The following FYN variants were observed in gnomAD, a reference collection of about 807,000 sequenced individuals.
FYN encodes the protein FYN proto-oncogene, Src family tyrosine kinase.
Under a neutral mutation model 70.2 loss-of-function variants are expected in FYN, and 10 were observed. The ratio of observed to expected loss-of-function variants is 0.14; its 90% CI spans 0.09 to 0.24. The LOEUF is 0.24. Among genes scored for constraint, FYN ranks in the 10% least tolerant of loss-of-function variants. FYN has a pLI of 1.00. For missense variants in FYN, 319 were observed against 673.1 expected, an observed-to-expected ratio of 0.47 and a Z score of 5.82; for synonymous variants, 236 against 248.6, an observed-to-expected ratio of 0.95 and a Z score of 0.48.
At chr6:111,763,273 C>T (rs1479552124) in intron 3 of FYN, among the ~76,000 whole-genome samples, 1 of 152,176 alleles carries the variant, frequency 6.6e-6, no homozygotes, top group Non-Finnish European at 1.5e-5. Flanking sequence ...AGCTGTAACC[C>T]AGCCACCCTG....
At chr6:111,864,051 T>C (rs1336744455) in intron 1 of FYN, among the ~76,000 whole-genome samples, 3 of 152,210 alleles carry the variant, frequency 2.0e-5, no homozygotes, top group Non-Finnish European at 4.4e-5. Flanking sequence ...CCTGGGGATA[T>C]GCATTCTATG....
At chr6:111,804,337 C>A (rs1772083290) in intron 2 of FYN, among the ~76,000 whole-genome samples, 1 of 152,168 alleles carries the variant, frequency 6.6e-6, no homozygotes, top group African/African-American at 2.4e-5. Context: ...AGAAGCGGCA[C>A]CCTCTGTTCT....
At chr6:111,716,371 A>G (rs141027855) in intron 4 of FYN, among the ~76,000 whole-genome samples, 177 of 152,342 alleles carry the variant, frequency 1.2e-3, no homozygotes, top group African/African-American at 3.9e-3. Context: ...TTACATAGTC[A>G]TAAGATAAAT....
chr6:111,773,611 A>ACGGAGAGAGG (rs1562515441), intron 3 of FYN, among the ~76,000 whole-genome samples: 1 of 61,554 alleles, frequency 1.6e-5, no homozygotes, highest in East Asian at 6.4e-4. Flanking sequence ...AGAGAGGGGG[A>ACGGAGAGAGG]GGGAGAGAGG....
intron 4 of FYN, among the ~76,000 whole-genome samples, chr6:111,717,150 A>G (rs538548434): frequency 1.3e-5 from 2 of 152,286 alleles, no homozygotes; most frequent in African/African-American, 4.8e-5. Context: ...TATTTACCCC[A>G]TTCAAGATAA....
intron 2 of FYN, among the ~76,000 whole-genome samples, chr6:111,799,744 G>C (rs1051140049): frequency 6.6e-6 from 1 of 152,210 alleles, no homozygotes; most frequent in African/African-American, 2.4e-5. Context: ...AAGTGGTTCA[G>C]GTGAATGGAC....
intron 12 of FYN, among the ~76,000 whole-genome samples, chr6:111,692,430 G>A (rs1024090636): frequency 2.0e-5 from 3 of 151,558 alleles, no homozygotes; most frequent in Admixed American, 1.3e-4. Context: ...GCTCAGGGCA[G>A]CAGCCTGATG....
At chr6:111,751,303 C>T (rs1038080294) in intron 3 of FYN, among the ~76,000 whole-genome samples, 5 of 152,170 alleles carry the variant, frequency 3.3e-5, no homozygotes, top group African/African-American at 1.2e-4. Context: ...TCAGCCCTGG[C>T]TCAGGTTGAC....
chr6:111,716,093 C>T (rs562369127), intron 4 of FYN, among the ~76,000 whole-genome samples: 2 of 152,262 alleles, frequency 1.3e-5, no homozygotes, highest in African/African-American at 4.8e-5. Flanking sequence ...ATTAAGTTGC[C>T]TTCCAAAACT....
At chr6:111,824,398 T>C (rs533961942) in intron 2 of FYN, among the ~76,000 whole-genome samples, 7 of 152,326 alleles carry the variant, frequency 4.6e-5, no homozygotes, top group Admixed American at 4.6e-4. Context: ...AAAGAACTCA[T>C]GCAAAAGCTC....
intron 2 of FYN, among the ~76,000 whole-genome samples, chr6:111,781,284 T>C (rs1258050389): frequency 6.6e-6 from 1 of 152,136 alleles, no homozygotes; most frequent in Non-Finnish European, 1.5e-5. Context: ...ACTGCAAACC[T>C]TGGCCCAGTC....
In FYN at chr6:111,711,056, C is replaced by A. The variant is rs574839901; in HGVS notation, c.345-3036G>T. Among the ~76,000 whole-genome samples the A allele has an allele frequency of 3.7e-4, 56 of 152,262 alleles. No homozygotes were observed. The South Asian group carries it at 0.011, about 29-fold the overall frequency. ...TAAAAGATTCTGTGCCCCCACCACA[C>A]CCCACACCAAGAAAAGTGTCTACCC... On this transcript the variant is annotated intron_variant, in intron 5 of 13. Transcript: ENST00000354650.
chr6:111,674,331 G>T, intron 13 of FYN, 168 bp downstream of exon 13: 1 of 658,000 alleles, frequency 1.5e-6, no homozygotes, highest in Non-Finnish European at 2.6e-6. Flanking sequence ...ATACATGGTG[G>T]CTCCCAGTTC....
At chr6:111,825,189 A>C (rs1324843523) in intron 2 of FYN, among the ~76,000 whole-genome samples, 2 of 152,258 alleles carry the variant, frequency 1.3e-5, no homozygotes, top group African/African-American at 4.8e-5. Context: ...CAAACATTCC[A>C]GTGCACAAGC....
chr6:111,726,992 A>T (rs1190690991), intron 3 of FYN, among the ~76,000 whole-genome samples: 2 of 152,180 alleles, frequency 1.3e-5, no homozygotes, highest in Admixed American at 1.3e-4. Context: ...AGGCCTTCCC[A>T]GCAATGCGGA....
At chr6:111,700,332 C>T (rs773492820) in intron 8 of FYN, 64 bp from the exon 9 acceptor site, 7 of 1,557,976 alleles carry the variant, frequency 4.5e-6, no homozygotes, top group Non-Finnish European at 6.1e-6. Flanking sequence ...TGACAACACT[C>T]ATAAGTGTAA....
chr6:111,804,150 T>C (rs1161161708), intron 2 of FYN, among the ~76,000 whole-genome samples: 1 of 152,212 alleles, frequency 6.6e-6, no homozygotes. Context: ...TTCATTCCTG[T>C]GTATTTAAAG....
chr6:111,690,622 G>A (rs1375213279), intron 12 of FYN, among the ~76,000 whole-genome samples: 1 of 152,112 alleles, frequency 6.6e-6, no homozygotes. Flanking sequence ...ACTTAGTATT[G>A]TACCAGATAT....
rs1406682323 is a variant in FYN at position 111,661,870 on chromosome 6, G to A, written c.1483C>T (p.Leu495=). The change falls in exon 14 of 14, where the codon CTG becomes TTG. Residue 495 remains leucine (L), a synonymous_variant. Coordinates refer to ENST00000354650, the MANE Select transcript of FYN (RefSeq NM_002037.5). This position sits in a 1 kb window ranked among gnomAD's most constrained non-coding sequence, Gnocchi z 4.0. ...MPCPQDCPIS[L]HELMIHCWKK... is the part of the protein sequence containing the mutation. ...CAGCAGTGGATCATGAGCTCATGCA[G>A]AGAGATGGGGCAGTCCTGCGGGCAG... 17 of 1,614,090 alleles carry A rather than the reference G, an allele frequency of 1.1e-5. No homozygotes were observed. Among genetic ancestry groups the A allele is most frequent in the South Asian group, 4.4e-5 (4 of 91,094 alleles).
Sources: allele counts gnomAD v4.1 joint callset (sites outside exome capture counted in the v4.1 genomes callset), GRCh38; gene constraint gnomAD v4.1.1; non-coding constraint Gnocchi (gnomAD v3.1); transcripts MANE v1.5; gene names NCBI Gene and HGNC (gene_info 2026-07-23, HGNC 2026-07-21).